GRID2: variants seen among roughly 807,000 people sequenced by gnomAD.
GRID2 encodes glutamate ionotropic receptor delta type subunit 2, also known as glutamate receptor ionotropic, delta-2.
In GRID2, 33 loss-of-function variants were observed where a neutral mutation model predicts 114.8. The observed-to-expected ratio is 0.29, with a 90% CI of 0.22 to 0.38. The LOEUF is 0.38. GRID2 is among the 10% of genes least tolerant of loss of function. The pLI, the probability that GRID2 is intolerant of heterozygous loss-of-function variation, is 1.00. For synonymous variants in GRID2, 505 were observed against 449.9 expected, an observed-to-expected ratio of 1.12 and a Z score of -1.55; for missense variants, 1,184 against 1,257.7, an observed-to-expected ratio of 0.94 and a Z score of 0.89.
At chr4:92,828,718 A>C (rs965030937) in intron 2 of GRID2, among the ~76,000 whole-genome samples, 1 of 152,060 alleles carries the variant, frequency 6.6e-6, no homozygotes, top group African/African-American at 2.4e-5. Flanking sequence ...GGTAATGTTA[A>C]TCAACACTGA....
intron 1 of GRID2, among the ~76,000 whole-genome samples, chr4:92,384,532 TATA>T (rs1729800771): frequency 2.1e-5 from 1 of 46,520 alleles, no homozygotes; most frequent in Admixed American, 4.8e-4. Flanking sequence ...TAATATAATA[TATA>T]ATATAATATA....
At chr4:92,510,873 A>G (rs1386462654) in intron 1 of GRID2, among the ~76,000 whole-genome samples, 1 of 149,792 alleles carries the variant, frequency 6.7e-6, no homozygotes, top group Non-Finnish European at 1.5e-5. Context: ...AAAAAAAAAC[A>G]GTGGCAATAA....
chr4:92,537,880 C>T (rs914614135), intron 1 of GRID2, among the ~76,000 whole-genome samples: 1 of 149,530 alleles, frequency 6.7e-6, no homozygotes, highest in African/African-American at 2.5e-5. Context: ...AATAAATATA[C>T]AATGAGATTT....
At chr4:93,263,707 AG>A (rs574104102) in intron 8 of GRID2, among the ~76,000 whole-genome samples, 58 of 152,162 alleles carry the variant, frequency 3.8e-4, no homozygotes, top group South Asian at 8.3e-4. Context: ...TTTAATTTGC[AG>A]ATTTTCATTT....
chr4:92,990,991 G>T (rs1257413023), intron 2 of GRID2, among the ~76,000 whole-genome samples: 2 of 152,080 alleles, frequency 1.3e-5, no homozygotes, highest in Non-Finnish European at 2.9e-5. Context: ...TGATGATAAT[G>T]GTAGCCATCT....
At chr4:92,797,109 A>G (rs765903987) in intron 2 of GRID2, among the ~76,000 whole-genome samples, 2 of 151,922 alleles carry the variant, frequency 1.3e-5, no homozygotes, top group Non-Finnish European at 2.9e-5. Context: ...AAGTAGTTCA[A>G]CTTTTTCTTG....
intron 1 of GRID2, among the ~76,000 whole-genome samples, chr4:92,533,336 C>T (rs562291213): frequency 3.0e-4 from 45 of 151,872 alleles, no homozygotes; most frequent in African/African-American, 9.9e-4. Context: ...AAGCTTTCAT[C>T]TTTCTTAGCT....
intron 2 of GRID2, among the ~76,000 whole-genome samples, chr4:92,853,827 A>G (rs1743993955): frequency 1.3e-5 from 2 of 151,876 alleles, no homozygotes; most frequent in Admixed American, 6.6e-5. Flanking sequence ...ACAACAGACA[A>G]TGTGGACTTC....
Position 93,672,597 on chromosome 4 carries a change from A to G in GRID2, c.2360+46162A>G, listed in dbSNP as rs530223965. Among the ~76,000 whole-genome samples, 4 of 152,360 alleles carry G rather than the reference A, an allele frequency of 2.6e-5. No homozygotes were observed. The South Asian group carries it at 6.2e-4, about 24-fold the overall frequency. ...CCATCATTGATCATTCTGTGCAATT[A>G]TAATTTATTCCCACAATTTTTTTCT... On this transcript the variant is annotated intron_variant, in intron 14 of 15. Transcript: ENST00000282020.
chr4:92,954,152 T>C (rs965822623), intron 2 of GRID2, among the ~76,000 whole-genome samples: 1 of 152,084 alleles, frequency 6.6e-6, no homozygotes, highest in Non-Finnish European at 1.5e-5. Flanking sequence ...TTCTCAAATA[T>C]AGATATATCA....
chr4:93,400,355 A>C (rs140809088), intron 9 of GRID2, among the ~76,000 whole-genome samples: 17 of 152,252 alleles, frequency 1.1e-4, no homozygotes, highest in African/African-American at 3.6e-4. Flanking sequence ...AGCAGTCTCT[A>C]CTACTTGGTG....
At chr4:92,933,852 T>G (rs1289288874) in intron 2 of GRID2, among the ~76,000 whole-genome samples, 3 of 151,712 alleles carry the variant, frequency 2.0e-5, no homozygotes, top group Admixed American at 6.6e-5. Flanking sequence ...TTCTCGGAAA[T>G]GGAATGTTGT....
chr4:92,583,870 TAC>T (rs1156339392), intron 1 of GRID2, among the ~76,000 whole-genome samples: 11 of 149,556 alleles, frequency 7.4e-5, no homozygotes, highest in African/African-American at 2.7e-4. Flanking sequence ...CATAAATATA[TAC>T]ACATATGCAT....
At chr4:93,422,088 G>C (rs72668715) in intron 9 of GRID2, among the ~76,000 whole-genome samples, 20 of 152,138 alleles carry the variant, frequency 1.3e-4, no homozygotes, top group African/African-American at 4.8e-4. Flanking sequence ...AGTGAAAGGG[G>C]CCTATTTGTT....
chr4:92,679,372 T>C (rs1214869013), intron 2 of GRID2, among the ~76,000 whole-genome samples: 6 of 152,014 alleles, frequency 3.9e-5, no homozygotes. Flanking sequence ...CAGAGCAGCA[T>C]TTTTTTCTTA....
intron 14 of GRID2, among the ~76,000 whole-genome samples, chr4:93,722,652 A>G (rs1218806595): frequency 1.3e-5 from 2 of 152,128 alleles, no homozygotes; most frequent in Non-Finnish European, 2.9e-5. Context: ...CTCACCACCC[A>G]TATTTATGGA....
At chr4:93,451,342 T>A (rs1333521956) in intron 10 of GRID2, among the ~76,000 whole-genome samples, 1 of 152,092 alleles carries the variant, frequency 6.6e-6, no homozygotes, top group Non-Finnish European at 1.5e-5. Flanking sequence ...AGTGGATAGC[T>A]TCCCTGTGAA....
chr4:92,485,500 G>A (rs756731676), intron 1 of GRID2, among the ~76,000 whole-genome samples: 5 of 150,830 alleles, frequency 3.3e-5, no homozygotes, highest in Non-Finnish European at 7.4e-5. Context: ...AGGAGTTCAA[G>A]ACTAGCCTGT....
chr4:92,616,270 T>C (rs1015941059), intron 2 of GRID2, among the ~76,000 whole-genome samples: 1 of 77,282 alleles, frequency 1.3e-5, no homozygotes, highest in Non-Finnish European at 2.8e-5. Context: ...GGTTGACAGA[T>C]TTTTTTTTTA....
Sources: gnomAD v4.1 joint callset for allele counts (sites outside exome capture counted in the v4.1 genomes callset) on GRCh38, gnomAD v4.1.1 for gene constraint, MANE v1.5 for transcripts, NCBI Gene and HGNC (gene_info 2026-07-23, HGNC 2026-07-21) for gene names.